C16orf89: variants seen among roughly 807,000 people sequenced by gnomAD.
C16orf89 encodes UPF0764 protein C16orf89.
Under a neutral mutation model 41.5 loss-of-function variants are expected in C16orf89, and 57 were observed. The ratio of observed to expected loss-of-function variants is 1.38; its 90% CI spans 1.11 to 1.71. The LOEUF is 1.71. Ranked by LOEUF, C16orf89 falls within the 40% of genes most tolerant of loss-of-function variation. C16orf89 has a pLI of 0.00. For synonymous variants in C16orf89, 223 were observed against 190.6 expected, an observed-to-expected ratio of 1.17 and a Z score of -1.40; for missense variants, 575 against 445.9, an observed-to-expected ratio of 1.29 and a Z score of -2.61.
chr16:5,060,463 T>G (rs986529948), intron 2 of C16orf89, 27 bp from the exon 3 acceptor site: 5 of 1,600,384 alleles, frequency 3.1e-6, no homozygotes, highest in Non-Finnish European at 4.3e-6. Flanking sequence ...ATAGATGGGG[T>G]GGGGTGTGGG....
Position 5,060,413 on chromosome 16 carries a change from C to T in C16orf89, c.382G>A (p.Gly128Arg), listed in dbSNP as rs761461418. The T allele has an allele frequency of 1.4e-5, 22 of 1,612,874 alleles. No homozygotes were observed. The highest frequency in any genetic ancestry group is 6.6e-5 in the South Asian group (6 of 91,014). The change falls in exon 3 of 8, where the codon GGG (glycine) becomes AGG (arginine). Residue 128 changes from glycine (G) to arginine (R), a missense_variant. Physicochemically the swap from Gly to Arg is moderately radical, Grantham distance 125 (BLOSUM62 -2). Coordinates refer to ENST00000472572, the MANE Select transcript of C16orf89 (RefSeq NM_001098514.3). ...LREFQLTLQP[G>R]FWKLPHAWIH... ...CAGGCATGTGGGAGCTTCCAAAACC[C>T]GGGCTGGAGGGTCAGCTGGAACTCT... is the stretch of plus-strand genomic sequence containing the variant.
In C16orf89 at chr16:5,055,289, A is replaced by G. The variant is rs1956472925; in HGVS notation, c.825T>C (p.Ile275=). The G allele has an allele frequency of 3.1e-6, 5 of 1,613,458 alleles. No individual in the cohort carries two copies. Among genetic ancestry groups the G allele is most frequent in the African/African-American group, 1.3e-5 (1 of 74,934 alleles). The part of the protein sequence containing the change: ...DFYKLRWLEA[I]LSWQKQQEGC... ...CTTCCTGCTGTTTCTGCCAGCTGAG[A>G]ATGGCCTCCAGCCACCGGAGCTTGT... is the stretch of plus-strand genomic sequence containing the variant. Residue 275 remains isoleucine (I), a synonymous_variant, in exon 6 of 8, where the codon ATT becomes ATC. Coordinates refer to ENST00000472572, the MANE Select transcript of C16orf89 (RefSeq NM_001098514.3).
intron 6 of C16orf89, among the ~76,000 whole-genome samples, chr16:5,051,496 G>T (rs60335248): frequency 0.27 from 41,685 of 151,948 alleles, 6,303 homozygotes; most frequent in Admixed American, 0.38. Context: ...AACCAAGGAG[G>T]TGAAAGATCT....
chr16:5,065,901 C>A lies in C16orf89; in HGVS notation c.8G>T (p.Ser3Ile). The part of the protein sequence containing the change: MA[S>I]LGLLLLLLLT... ...TAAGAGCAGGAGCAGCAGCCCCAGGCTGGCCATGGCCGGCCTCTGCTCACT... is the reference window on the plus strand; with the variant it reads ...TAAGAGCAGGAGCAGCAGCCCCAGGATGGCCATGGCCGGCCTCTGCTCACT... The change falls in exon 1 of 8, where the codon AGC (serine) becomes ATC (isoleucine). Residue 3 changes from serine to isoleucine, a missense_variant. Transcript: ENST00000472572. 1 of 1,613,268 alleles carries A rather than the reference C, an allele frequency of 6.2e-7. No individual in the cohort carries two copies. The highest frequency in any genetic ancestry group is 8.5e-7 in the Non-Finnish European group (1 of 1,179,660).
chr16:5,051,039 G>C (rs1334119091), intron 6 of C16orf89, among the ~76,000 whole-genome samples: 3 of 152,174 alleles, frequency 2.0e-5, no homozygotes, highest in Non-Finnish European at 2.9e-5. Context: ...GTTAGGTATA[G>C]AAGGAATGTG....
chr16:5,044,573 T>A, intron 7 of C16orf89, 95 bp from the exon 8 acceptor site: 1 of 1,551,584 alleles, frequency 6.4e-7, no homozygotes, highest in Non-Finnish European at 8.7e-7. Context: ...CCAGACGCGG[T>A]GGCTCACACC....
chr16:5,046,722 C>T (rs1210102726), intron 7 of C16orf89, among the ~76,000 whole-genome samples: 6 of 151,968 alleles, frequency 3.9e-5, no homozygotes, highest in Non-Finnish European at 7.4e-5. Flanking sequence ...CTTCCTGTGT[C>T]CCCCTCCTTC....
intron 1 of C16orf89, among the ~76,000 whole-genome samples, chr16:5,064,855 A>T (rs1170508752): frequency 6.6e-6 from 1 of 152,164 alleles, no homozygotes; most frequent in Non-Finnish European, 1.5e-5. Flanking sequence ...TGATTAAGAG[A>T]ACCCCCTCCC....
At position 5,051,556 on chromosome 16, in the gene C16orf89, C is replaced by T. The variant is rs764332423; in HGVS notation, c.869-3592G>A. Among the ~76,000 whole-genome samples, 13 of 152,008 alleles carry T rather than the reference C, an allele frequency of 8.6e-5. No homozygotes were observed. The Middle Eastern group carries it at 0.02, about 239-fold the overall frequency. On this transcript the variant is annotated intron_variant, in intron 6 of 7. Coordinates refer to ENST00000472572, the MANE Select transcript of C16orf89 (RefSeq NM_001098514.3). ...CTGATGAAAGAAATTGAAGAGAACA[C>T]ACAAAAAATGAAAAGACATCCCATG...
At chr16:5,059,904 G>A (rs1463713792) in intron 3 of C16orf89, among the ~76,000 whole-genome samples, 3 of 152,062 alleles carry the variant, frequency 2.0e-5, no homozygotes, top group Non-Finnish European at 4.4e-5. Flanking sequence ...CTGAGGCCCA[G>A]GGGGTGGAGT....
At chr16:5,065,671 G>T (rs369001091) in intron 1 of C16orf89, 30 bp downstream of exon 1, 12 of 1,589,444 alleles carry the variant, frequency 7.5e-6, no homozygotes, top group Non-Finnish European at 8.6e-6. Context: ...GCTTCCCAGT[G>T]TCCAGCCAGA....
At chr16:5,044,895 C>G in intron 7 of C16orf89, 1 of 1,250,480 alleles carries the variant, frequency 8.0e-7, no homozygotes, top group Non-Finnish European at 1.0e-6. Context: ...TTGCAAGACG[C>G]TGAGTGGGTG....
rs973586485 is a variant in C16orf89 at position 5,044,262 on chromosome 16, A to G, written c.*86T>C. ...ATCCTCCAGATGCCTTCTTCCCAGG[A>G]TGTGATCCGTGCCCTCCAGGATCTA... On this transcript the variant is annotated 3_prime_UTR_variant, in exon 8 of 8. Transcript: ENST00000472572. The G allele has an allele frequency of 6.8e-7, 1 of 1,476,712 alleles. No individual in the cohort carries two copies. The allele number at this position is 1,476,712 out of a possible 1,614,324, so 91.5% of individuals were successfully genotyped here. A position where few individuals can be genotyped will look rare whatever the true frequency, so the allele number is the denominator to read the frequency against.
chr16:5,055,980 TG>T, intron 5 of C16orf89, 72 bp downstream of exon 5: 1 of 1,030,352 alleles, frequency 9.7e-7, no homozygotes, highest in Non-Finnish European at 1.4e-6. Flanking sequence ...TGTGTGTGTG[TG>T]TGTGTGTGTG....
intron 1 of C16orf89, among the ~76,000 whole-genome samples, chr16:5,064,209 C>A (rs1956688957): frequency 6.6e-6 from 1 of 152,190 alleles, no homozygotes; most frequent in African/African-American, 2.4e-5. Context: ...CTGAAACCCT[C>A]CCCTCCACCT....
chr16:5,065,264 G>C (rs955290993), intron 1 of C16orf89, among the ~76,000 whole-genome samples: 1 of 152,132 alleles, frequency 6.6e-6, no homozygotes, highest in Admixed American at 6.6e-5. Context: ...GAACCTTCAG[G>C]AGACTTTGGC....
At chr16:5,060,240 C>G (rs1447638437) in intron 3 of C16orf89, 46 bp downstream of exon 3, 16 of 1,562,696 alleles carry the variant, frequency 1.0e-5, no homozygotes, top group Non-Finnish European at 1.3e-5. Context: ...CAGCTGAGAA[C>G]TAGTGCGTTT....
chr16:5,055,196 C>T (rs373308645), intron 6 of C16orf89, 50 bp downstream of exon 6: 51 of 1,463,276 alleles, frequency 3.5e-5, no homozygotes, highest in African/African-American at 5.6e-5. Context: ...CTCAGAGCCA[C>T]CCCCACCCCC....
intron 5 of C16orf89, 29 bp from the exon 6 acceptor site, chr16:5,055,379 G>A (rs906215720): frequency 6.5e-7 from 1 of 1,549,296 alleles, no homozygotes; most frequent in Non-Finnish European, 8.8e-7. Flanking sequence ...GCCCTCTGCA[G>A]GCCTGCCCCC....
Sources: gnomAD v4.1 joint callset for allele counts (sites outside exome capture counted in the v4.1 genomes callset) on GRCh38, gnomAD v4.1.1 for gene constraint, MANE v1.5 for transcripts, NCBI Gene and HGNC (gene_info 2026-07-23, HGNC 2026-07-21) for gene names.